PLEKHG6: variants seen among roughly 807,000 people sequenced by gnomAD.
PLEKHG6 encodes the protein pleckstrin homology and RhoGEF domain containing G6, also known as pleckstrin homology domain-containing family G member 6.
PLEKHG6 carries 91 observed loss-of-function variants against 97.5 expected under a neutral mutation model. That is an observed-to-expected ratio of 0.93 (90% CI 0.79 to 1.11). The LOEUF (loss-of-function observed/expected upper bound fraction) is 1.11, where lower values mean the gene tolerates loss of function less well. Among genes scored for constraint, PLEKHG6 ranks in the 50% most tolerant of loss-of-function variants. The pLI, the probability that PLEKHG6 is intolerant of heterozygous loss-of-function variation, is 0.00. For synonymous variants in PLEKHG6, 466 were observed against 425.5 expected (o/e 1.10, Z -1.17); for missense variants, 1,044 against 1,031.0 (o/e 1.01, Z -0.17).
In PLEKHG6 at chr12:6,327,642, A is replaced by C; in HGVS notation, c.2059A>C (p.Arg687=). 1.3e-6 allele frequency: 2 copies of C among 1,563,420 alleles called. No individual in the cohort carries two copies. The highest frequency in any genetic ancestry group is 2.3e-5 in the South Asian group (2 of 86,584). ...RGNVVVETLH[R]ARLRGQLPSS... ...GAATGTGGTGGTGGAAACACTCCAC[A>C]GGGCCCGGCTTCGGGGCCAGCTTCC... The change falls in exon 15 of 16, where the codon AGG becomes CGG. Residue 687 remains arginine, a synonymous_variant. Transcript: ENST00000684764.
rs181711272 is a variant in PLEKHG6, at chr12:6,320,403, G to A, written c.1524+1295G>A. The stretch of plus-strand genomic sequence containing the variant: ...GCCAGAAGTTTCAAATCAAGGTGTT[G>A]GCAGAGCTGAGTTTCCTCTGGAGGC... On this transcript the variant is annotated intron_variant, in intron 13 of 15. Transcript: ENST00000684764. Among the ~76,000 whole-genome samples, 149 of 152,286 alleles carry A rather than the reference G, an allele frequency of 9.8e-4. 1 individual carries two copies. Among genetic ancestry groups the A allele is most frequent in the African/African-American group, 3.4e-3 (143 of 41,538 alleles).
At chr12:6,318,934 G>A in intron 12 of PLEKHG6, 57 bp downstream of exon 12, 1 of 1,612,616 alleles carries the variant, frequency 6.2e-7, no homozygotes, top group Non-Finnish European at 8.5e-7. Flanking sequence ...AGGGGAAGGA[G>A]GAGCTGGGAC....
intron 13 of PLEKHG6, among the ~76,000 whole-genome samples, chr12:6,320,833 G>A (rs973886910): frequency 7.9e-5 from 12 of 152,144 alleles, no homozygotes; most frequent in African/African-American, 2.2e-4. Context: ...ATGAGCAGCA[G>A]AATCAGAGGA....
chr12:6,324,143 C>G (rs969571431), intron 13 of PLEKHG6, among the ~76,000 whole-genome samples: 1 of 152,128 alleles, frequency 6.6e-6, no homozygotes, highest in African/African-American at 2.4e-5. Context: ...CCCCTCTGCC[C>G]CCATGTGTCT....
In PLEKHG6 at chr12:6,315,785, C is replaced by A; in HGVS notation, c.556-84C>A. 2 of 1,291,834 alleles carry A rather than the reference C, an allele frequency of 1.5e-6. No individual in the cohort carries two copies. Among genetic ancestry groups the A allele is most frequent in the African/African-American group, 1.5e-5 (1 of 68,354 alleles). The allele number at this position is 1,291,834 out of a possible 1,614,324, so 80.0% of individuals were successfully genotyped here. A position where few individuals can be genotyped will look rare whatever the true frequency, so the allele number is the denominator to read the frequency against. On this transcript the variant is annotated intron_variant, in intron 5 of 15. Transcript: ENST00000684764. This position sits in a 1 kb window ranked among gnomAD's most constrained non-coding sequence, Gnocchi z 4.5. ...TCTGGGATGCAGGGAGATAGGTCAG[C>A]AGTACTGAAGTTGGTGGGGGGTGGG...
chr12:6,313,042 C>A, intron 2 of PLEKHG6: 1 of 1,504,854 alleles, frequency 6.6e-7, no homozygotes, highest in Non-Finnish European at 9.0e-7. Context: ...TGGGGTAATT[C>A]AGGCCACAGG....
intron 8 of PLEKHG6, 46 bp downstream of exon 8, chr12:6,317,459 G>A (rs1565457372): frequency 1.2e-6 from 2 of 1,609,996 alleles, no homozygotes; most frequent in Non-Finnish European, 1.7e-6. Context: ...ATCTTAGCCG[G>A]CCGGTCTCCA....
intron 13 of PLEKHG6, among the ~76,000 whole-genome samples, chr12:6,323,325 T>G (rs1947759107): frequency 6.6e-6 from 1 of 152,216 alleles, no homozygotes; most frequent in South Asian, 2.1e-4. Flanking sequence ...TGCTATTGTC[T>G]CACACCAGAT....
chr12:6,312,436 G>A (rs1452243534), intron 2 of PLEKHG6, 72 bp downstream of exon 2: 77 of 1,458,976 alleles, frequency 5.3e-5, no homozygotes, highest in Non-Finnish European at 6.4e-5. Context: ...TGGAGTCTCT[G>A]TCCCCTTACA....
Position 6,312,208 on chromosome 12 carries a change from G to C in PLEKHG6, c.-19G>C, listed in dbSNP as rs1283548510. On this transcript the variant is annotated 5_prime_UTR_variant, in exon 2 of 16. Coordinates refer to ENST00000684764, the MANE Select transcript of PLEKHG6 (RefSeq NM_001384598.1). ...ACATTGAAGATATGGCCCTTTGGAG[G>C]TGACCCAGGAGAGAAGGGATGAAGG... is the stretch of plus-strand genomic sequence containing the variant. 4 of 1,467,204 alleles carry C rather than the reference G, an allele frequency of 2.7e-6. No homozygotes were observed. The highest frequency in any genetic ancestry group is 3.6e-6 in the Non-Finnish European group (4 of 1,113,610). 90.9% of individuals were successfully genotyped at this position (1,467,204 alleles called of 1,614,324 possible).
rs746389909 is a variant in PLEKHG6, at chr12:6,326,457, G to T, written c.1554G>T (p.Glu518Asp). ...CCCTACAGAAGCTGAAGGCAGAGGAGTATGTTCAACAGAAGAGGGAGCTCC... is the reference window on the plus strand; with the variant it reads ...CCCTACAGAAGCTGAAGGCAGAGGATTATGTTCAACAGAAGAGGGAGCTCC... ...QAALQKLKAE[E>D]YVQQKRELLT... The change falls in exon 14 of 16, where the codon GAG (glutamate) becomes GAT (aspartate). Residue 518 changes from glutamate to aspartate, a missense_variant. By Grantham distance (45) the Glu-to-Asp change is conservative. Coordinates refer to ENST00000684764, the MANE Select transcript of PLEKHG6 (RefSeq NM_001384598.1). The T allele has an allele frequency of 6.2e-7, 1 of 1,613,722 alleles. No homozygotes were observed. The highest frequency in any genetic ancestry group is 8.5e-7 in the Non-Finnish European group (1 of 1,179,856).
Position 6,315,177 on chromosome 12 carries a change from T to G in PLEKHG6, c.459+8T>G, listed in dbSNP as rs767843786. 6.2e-7 allele frequency: 1 copy of G among 1,607,728 alleles called. No individual in the cohort carries two copies. Among genetic ancestry groups the G allele is most frequent in the South Asian group, 1.1e-5 (1 of 90,740 alleles). On this transcript the variant is annotated splice_region_variant and intron_variant, in intron 4 of 15. Coordinates refer to ENST00000684764, the MANE Select transcript of PLEKHG6 (RefSeq NM_001384598.1). This position sits in a 1 kb window ranked among gnomAD's most constrained non-coding sequence, Gnocchi z 4.5. ...CTGGTGCCTGGGCACAAGGTGAGCC[T>G]GAAACTCACAAGGTGAGTCTGTCCC...
chr12:6,316,629 GC>G lies in PLEKHG6; in HGVS notation c.756+226del. Among the ~76,000 whole-genome samples, 2 of 152,264 alleles carry G rather than the reference GC, an allele frequency of 1.3e-5. No homozygotes were observed. Among genetic ancestry groups the G allele is most frequent in the Middle Eastern group, 6.8e-3 (2 of 294 alleles). ...GAGGCCTTTATGAAATGAAAATGCA[GC>G]TGTCTCAGAGAAGGGTCACACCTTG... is the stretch of plus-strand genomic sequence containing the variant. On this transcript the variant is annotated intron_variant, in intron 7 of 15. Coordinates refer to ENST00000684764, the MANE Select transcript of PLEKHG6 (RefSeq NM_001384598.1). This position sits in a 1 kb window ranked among gnomAD's most constrained non-coding sequence, Gnocchi z 4.1.
chr12:6,312,291 C>G lies in PLEKHG6; in HGVS notation c.65C>G (p.Thr22Ser), dbSNP rs758657528. Residue 22 changes from threonine (T) to serine (S), a missense_variant, in exon 2 of 16, where the codon ACT (threonine) becomes AGT (serine). Coordinates refer to ENST00000684764, the MANE Select transcript of PLEKHG6 (RefSeq NM_001384598.1). ...LQGLVASRIE[T>S]YGGRHRASAQ... ...GGACTCGTGGCCTCCCGCATTGAGA[C>G]TTATGGGGGCCGGCATCGAGCCTCT... 6 of 1,563,860 alleles carry G rather than the reference C, an allele frequency of 3.8e-6. No individual in the cohort carries two copies. Among genetic ancestry groups the G allele is most frequent in the South Asian group, 3.6e-5 (3 of 83,012 alleles).
At chr12:6,312,076 G>C in intron 1 of PLEKHG6, 83 bp from the exon 2 acceptor site, 8 of 545,716 alleles carry the variant, frequency 1.5e-5, no homozygotes, top group Admixed American at 4.1e-5. Context: ...CTCCCTCCCA[G>C]GCCCCCTACC....
chr12:6,316,310 G>A lies in PLEKHG6; in HGVS notation c.662G>A (p.Ser221Asn), dbSNP rs1229835580. ...NVPSLIRTHR[S>N]FWDEVLGPTL... ...CCCAGCCTGATTCGAACCCACCGGA[G>A]CTTTTGGGATGAGGTGCTGGGGCCC... The change falls in exon 7 of 16, where the codon AGC becomes AAC. Residue 221 changes from serine (S) to asparagine (N), a missense_variant. By Grantham distance (46) the Ser-to-Asn change is conservative. Coordinates refer to ENST00000684764, the MANE Select transcript of PLEKHG6 (RefSeq NM_001384598.1). This position sits in a 1 kb window ranked among gnomAD's most constrained non-coding sequence, Gnocchi z 4.1. 6.4e-7 allele frequency: 1 copy of A among 1,557,584 alleles called. No homozygotes were observed. Among genetic ancestry groups the A allele is most frequent in the South Asian group, 1.2e-5 (1 of 84,392 alleles).
chr12:6,311,832 C>T (rs973055128), intron 1 of PLEKHG6, among the ~76,000 whole-genome samples: 2 of 152,044 alleles, frequency 1.3e-5, no homozygotes, highest in African/African-American at 4.8e-5. Context: ...ACCCTCCCAC[C>T]TGGGTGTATC....
chr12:6,327,491 C>CCCCCCCCCCCCCCA lies in PLEKHG6; in HGVS notation c.1908_1909insCCCCCCCCCCCCCA (p.Asp637ProfsTer23), dbSNP rs2136799270. On this transcript the variant is annotated frameshift_variant, in exon 15 of 16. Coordinates refer to ENST00000684764, the MANE Select transcript of PLEKHG6 (RefSeq NM_001384598.1). LOFTEE classifies it high-confidence loss of function. ...ACATCCCTCTGCGTCCCCACCCTCC[C>CCCCCCCCCCCCCCA]GACCCCCAAGCTCCTCAACGCCGAA... 1 of 1,589,442 alleles carries CCCCCCCCCCCCCCA rather than the reference C, an allele frequency of 6.3e-7. No individual in the cohort carries two copies. Among genetic ancestry groups the CCCCCCCCCCCCCCA allele is most frequent in the Non-Finnish European group, 8.6e-7 (1 of 1,164,866 alleles).
chr12:6,312,130 C>A, intron 1 of PLEKHG6, 29 bp from the exon 2 acceptor site: 1 of 1,097,136 alleles, frequency 9.1e-7, no homozygotes, highest in Non-Finnish European at 1.2e-6. Context: ...TTGGGGATGG[C>A]CCTTCCATTC....
Sources: allele counts gnomAD v4.1 joint callset (sites outside exome capture counted in the v4.1 genomes callset), GRCh38; gene constraint gnomAD v4.1.1; non-coding constraint Gnocchi (gnomAD v3.1); transcripts MANE v1.5; gene names NCBI Gene and HGNC (gene_info 2026-07-23, HGNC 2026-07-21).